The following EHBP1 variants were observed in gnomAD, a reference collection of about 807,000 sequenced individuals.
EHBP1 encodes the protein EH domain binding protein 1.
Under a neutral mutation model 144.0 loss-of-function variants are expected in EHBP1, and 55 were observed. The observed-to-expected ratio is 0.38, with a 90% CI of 0.31 to 0.48. EHBP1 has a LOEUF of 0.48. Ranked by LOEUF, EHBP1 falls within the 20% of genes least tolerant of loss-of-function variation. The pLI is 0.98. For missense variants in EHBP1, 1,200 were observed against 1,364.2 expected, an observed-to-expected ratio of 0.88 and a Z score of 1.90; for synonymous variants, 469 against 472.7, an observed-to-expected ratio of 0.99 and a Z score of 0.10.
At chr2:62,810,693 C>T (rs1047203174) in intron 5 of EHBP1, among the ~76,000 whole-genome samples, 3 of 152,180 alleles carry the variant, frequency 2.0e-5, no homozygotes, top group Non-Finnish European at 4.4e-5. Flanking sequence ...AAGTCCAGGC[C>T]GTGGAAGATG....
intron 10 of EHBP1, among the ~76,000 whole-genome samples, chr2:62,882,361 A>G (rs2051519657): frequency 6.6e-6 from 1 of 152,242 alleles, no homozygotes; most frequent in Non-Finnish European, 1.5e-5. Flanking sequence ...ATAAGGCAAA[A>G]GGAGATGGCC....
At chr2:62,997,773 A>C (rs1380797886) in intron 19 of EHBP1, among the ~76,000 whole-genome samples, 1 of 152,140 alleles carries the variant, frequency 6.6e-6, no homozygotes, top group Non-Finnish European at 1.5e-5. Flanking sequence ...TAGATTAGTG[A>C]AATCAGAGCA....
At chr2:62,850,251 G>C (rs1013359371) in intron 7 of EHBP1, among the ~76,000 whole-genome samples, 7 of 152,148 alleles carry the variant, frequency 4.6e-5, no homozygotes, top group African/African-American at 1.7e-4. Flanking sequence ...ATAATTTAGA[G>C]AATAACGAAG....
In EHBP1 at chr2:62,761,085, A is replaced by C. The variant is rs1286178777; in HGVS notation, c.163-3181A>C. Reference sequence around the variant, plus strand: ...AACCATAAGAGTTAAGGTTGTTATAAGTTTTCAGAATTAAGTATGTGGAGT... The same window carrying C: ...AACCATAAGAGTTAAGGTTGTTATACGTTTTCAGAATTAAGTATGTGGAGT... On this transcript the variant is annotated intron_variant, in intron 3 of 22. Transcript: ENST00000431489. Among the ~76,000 whole-genome samples the C allele has an allele frequency of 2.0e-5, 3 of 152,162 alleles. No homozygotes were observed. In the East Asian group the frequency reaches 5.8e-4, roughly 29 times the overall value.
chr2:62,909,474 G>GCT (rs2054040183), intron 10 of EHBP1, among the ~76,000 whole-genome samples: 1 of 152,210 alleles, frequency 6.6e-6, no homozygotes. Context: ...GAGCCACCAT[G>GCT]CTCTGCTAAG....
intron 19 of EHBP1, among the ~76,000 whole-genome samples, chr2:63,000,568 A>T (rs2059810352): frequency 3.3e-5 from 5 of 151,960 alleles, no homozygotes; most frequent in Admixed American, 3.3e-4. Context: ...GTGGTGGTGG[A>T]TGCCTGTAAT....
chr2:62,771,487 G>A, intron 5 of EHBP1, 95 bp downstream of exon 5: 1 of 918,742 alleles, frequency 1.1e-6, no homozygotes, highest in Non-Finnish European at 1.6e-6. Flanking sequence ...GAAAAATGTT[G>A]CCTTAAGAAA....
chr2:62,701,871 GAA>G (rs769253957), upstream of EHBP1, among the ~76,000 whole-genome samples: 6 of 147,980 alleles, frequency 4.1e-5, no homozygotes, highest in Non-Finnish European at 9.0e-5. Context: ...ATGGTAACTG[GAA>G]AAAAAAAATA....
chr2:62,905,062 T>C (rs1265565205), intron 10 of EHBP1, among the ~76,000 whole-genome samples: 1 of 152,196 alleles, frequency 6.6e-6, no homozygotes, highest in Non-Finnish European at 1.5e-5. Flanking sequence ...GATTTCTTTC[T>C]ATGAAGGTGA....
In EHBP1 at chr2:62,863,595, A is replaced by C. The variant is rs563071784; in HGVS notation, c.758-1136A>C. Among the ~76,000 whole-genome samples, 3 of 152,214 alleles carry C rather than the reference A, an allele frequency of 2.0e-5. No individual in the cohort carries two copies. The East Asian group carries it at 5.8e-4, about 29-fold the overall frequency. On this transcript the variant is annotated intron_variant, in intron 8 of 22. Transcript: ENST00000431489. ...GTTATTATTGATTGAAGTTACATTG[A>C]AAAAATAATCTCATTAAAAGCTCTA...
chr2:62,932,639 A>G (rs1029316051), intron 10 of EHBP1, among the ~76,000 whole-genome samples: 6 of 152,122 alleles, frequency 3.9e-5, no homozygotes, highest in Admixed American at 2.6e-4. Flanking sequence ...GAATATACTA[A>G]TACTATTAAC....
rs1481743307 is a variant in EHBP1 at position 62,916,869 on chromosome 2, AT to A, written c.1186-25847del. Among the ~76,000 whole-genome samples, 48 of 150,766 alleles carry A rather than the reference AT, an allele frequency of 3.2e-4. 1 individual carries two copies. The highest frequency in any genetic ancestry group is 1.1e-3 in the African/African-American group (46 of 41,266). ...TTCATTGTGTATATAAAATATAGCT[AT>A]TATATACAGTATACAATTTAATAGC... is the stretch of plus-strand genomic sequence containing the variant. On this transcript the variant is annotated intron_variant, in intron 10 of 22. Transcript: ENST00000431489.
intron 14 of EHBP1, among the ~76,000 whole-genome samples, chr2:62,972,904 C>T (rs1403660293): frequency 6.6e-6 from 1 of 152,072 alleles, no homozygotes; most frequent in Non-Finnish European, 1.5e-5. Context: ...CACCTCTGGG[C>T]TAATGGTTAT....
At chr2:62,922,029 G>A (rs550281605) in intron 10 of EHBP1, among the ~76,000 whole-genome samples, 2 of 152,232 alleles carry the variant, frequency 1.3e-5, no homozygotes, top group African/African-American at 4.8e-5. Flanking sequence ...GCAAAAATTA[G>A]CCAGGCATGG....
chr2:62,864,350 G>T (rs529018088), intron 8 of EHBP1, among the ~76,000 whole-genome samples: 1 of 152,042 alleles, frequency 6.6e-6, no homozygotes, highest in Non-Finnish European at 1.5e-5. Flanking sequence ...ATTATGTATC[G>T]GTTTGTAATG....
intron 10 of EHBP1, among the ~76,000 whole-genome samples, chr2:62,877,059 G>T (rs1344788461): frequency 2.0e-5 from 3 of 152,204 alleles, no homozygotes; most frequent in Non-Finnish European, 4.4e-5. Flanking sequence ...AAAAGGCACA[G>T]AAGAGCAGGT....
At chr2:62,839,338 A>G (rs1356012218) in intron 7 of EHBP1, among the ~76,000 whole-genome samples, 13 of 143,852 alleles carry the variant, frequency 9.0e-5, no homozygotes, top group African/African-American at 2.6e-4. Flanking sequence ...GATGGGACGT[A>G]TTTCAAAATA....
intron 14 of EHBP1, among the ~76,000 whole-genome samples, chr2:62,957,663 T>TTTTTTTTTTATG (rs2057775154): frequency 1.5e-5 from 2 of 137,782 alleles, no homozygotes; most frequent in East Asian, 2.0e-4. Context: ...TTTTTTTTTT[T>TTTTTTTTTTATG]GAGATGGAGT....
At chr2:62,832,421 ATTTTTTTTTCTTTTTTCTTTTTT>A (rs1350736952) in intron 7 of EHBP1, among the ~76,000 whole-genome samples, 1 of 129,578 alleles carries the variant, frequency 7.7e-6, no homozygotes, top group Non-Finnish European at 1.7e-5. Flanking sequence ...CACTTCACAG[ATTTTTTTTTCTTTTTTCTTTTTT>A]TTTTTTTTTT....
Sources: gnomAD v4.1 joint callset for allele counts (sites outside exome capture counted in the v4.1 genomes callset) on GRCh38, gnomAD v4.1.1 for gene constraint, MANE v1.5 for transcripts, NCBI Gene and HGNC (gene_info 2026-07-23, HGNC 2026-07-21) for gene names.